The following CRYBB3 variants were observed in gnomAD, a reference collection of about 807,000 sequenced individuals.
CRYBB3 encodes the protein beta-crystallin B3.
CRYBB3 carries 35 observed loss-of-function variants against 28.3 expected under a neutral mutation model. The observed-to-expected ratio is 1.24, with a 90% confidence interval of 0.95 to 1.64. The LOEUF (loss-of-function observed/expected upper bound fraction) is 1.64, where lower values mean the gene tolerates loss of function less well. CRYBB3 is among the 40% of genes most tolerant of loss of function. CRYBB3 has a pLI of 0.00. For synonymous variants in CRYBB3, 106 were observed against 110.4 expected (o/e 0.96, Z 0.25); for missense variants, 296 against 297.4 (o/e 1.00, Z 0.04).
chr22:25,204,477 G>T (rs1334337624), intron 4 of CRYBB3, among the ~76,000 whole-genome samples: 1 of 152,156 alleles, frequency 6.6e-6, no homozygotes, highest in East Asian at 1.9e-4. Flanking sequence ...GAGTGCAGTG[G>T]CATGATCTCT....
chr22:25,202,349 T>C (rs1276134254), intron 2 of CRYBB3, among the ~76,000 whole-genome samples: 1 of 152,112 alleles, frequency 6.6e-6, no homozygotes, highest in African/African-American at 2.4e-5. Flanking sequence ...CTTGAAAAAA[T>C]TGGAACTGGG....
rs201863246 is a variant in CRYBB3, at chr22:25,203,781, C to T, written c.213C>T (p.Ser71=). 50 of 1,614,178 alleles carry T rather than the reference C, an allele frequency of 3.1e-5. No homozygotes were observed. The Middle Eastern group carries it at 1.8e-3, about 59-fold the overall frequency. The change falls in exon 4 of 6, where the codon TCC becomes TCT. Residue 71 remains serine, a synonymous_variant. Coordinates refer to ENST00000215855, the MANE Select transcript of CRYBB3 (RefSeq NM_004076.5). ...VESGPWLAFE[S]RAFRGEQFVL... Reference sequence around the variant, plus strand: ...CCCTCAGGTGGCTGGCATTTGAGTCCAGGGCCTTCCGCGGGGAGCAGTTTG... The same window carrying T: ...CCCTCAGGTGGCTGGCATTTGAGTCTAGGGCCTTCCGCGGGGAGCAGTTTG...
chr22:25,207,262 G>C lies in CRYBB3; in HGVS notation c.*50G>C, dbSNP rs776331095. On this transcript the variant is annotated 3_prime_UTR_variant, in exon 6 of 6. Transcript: ENST00000215855. ...AGACCCACCCTGGGGGGCTGCAAGG[G>C]CAAGAAGAGGAGGCTCCAGGGTTGG... 2 of 1,549,188 alleles carry C rather than the reference G, an allele frequency of 1.3e-6. No individual in the cohort carries two copies. Among genetic ancestry groups the C allele is most frequent in the African/African-American group, 2.7e-5 (2 of 73,598 alleles).
At chr22:25,206,922 T>C (rs766595584) in intron 5 of CRYBB3, 125 bp from the exon 6 acceptor site, 14 of 793,722 alleles carry the variant, frequency 1.8e-5, no homozygotes, top group Non-Finnish European at 3.0e-5. Context: ...AGAGTTTGGA[T>C]TCATCCCAAG....
At chr22:25,201,804 A>G (rs748465789) in intron 2 of CRYBB3, among the ~76,000 whole-genome samples, 24 of 152,158 alleles carry the variant, frequency 1.6e-4, no homozygotes, top group Non-Finnish European at 2.8e-4. Flanking sequence ...ACTCTGGGGA[A>G]AAGGGCACAG....
chr22:25,203,988 G>A (rs1264196655), intron 4 of CRYBB3, 93 bp downstream of exon 4: 4 of 1,535,240 alleles, frequency 2.6e-6, no homozygotes, highest in East Asian at 2.3e-5. Flanking sequence ...TGGGCTGAGG[G>A]TTTGGCCCAT....
chr22:25,200,405 A>G (rs767285461), intron 1 of CRYBB3, among the ~76,000 whole-genome samples: 1 of 151,806 alleles, frequency 6.6e-6, no homozygotes, highest in Non-Finnish European at 1.5e-5. Flanking sequence ...TGCCTTGTTT[A>G]CCACTGTGGA....
Position 25,205,302 on chromosome 22 carries a change from C to A in CRYBB3, c.410C>A (p.Pro137His). ...RKMEIVDDDV[P>H]SLWAHGFQDR... Reference sequence around the variant, plus strand: ...ATGGAGATAGTGGATGATGACGTGCCCAGCCTGTGGGCTCATGGCTTCCAG... The same window carrying A: ...ATGGAGATAGTGGATGATGACGTGCACAGCCTGTGGGCTCATGGCTTCCAG... Residue 137 changes from proline (P) to histidine (H), a missense_variant, in exon 5 of 6, where the codon CCC (proline) becomes CAC (histidine). Transcript: ENST00000215855. The A allele has an allele frequency of 6.2e-7, 1 of 1,614,148 alleles. No individual in the cohort carries two copies. Among genetic ancestry groups the A allele is most frequent in the Non-Finnish European group, 8.5e-7 (1 of 1,180,030 alleles).
rs913286212 is a variant in CRYBB3 at position 25,205,499 on chromosome 22, G to A, written c.470+137G>A. On this transcript the variant is annotated intron_variant, in intron 5 of 5. Coordinates refer to ENST00000215855, the MANE Select transcript of CRYBB3 (RefSeq NM_004076.5). ...TTTTGAGACGGAGTCTTGCTCTGTC[G>A]CCCAGGCTGGAGTGCAGTGGCGCGA... 2.4e-5 allele frequency: 26 copies of A among 1,104,454 alleles called. No homozygotes were observed. In the East Asian group the frequency reaches 5.0e-4, roughly 21 times the overall value. 68.4% of individuals were successfully genotyped at this position (1,104,454 alleles called of 1,614,324 possible).
Position 25,203,979 on chromosome 22 carries a change from G to A in CRYBB3, c.327+84G>A, listed in dbSNP as rs1601407784. ...GGTCAGGCAGCTCATTGCACAAGCT[G>A]GGCTGAGGGTTTGGCCCATATGGAC... On this transcript the variant is annotated intron_variant, in intron 4 of 5. Coordinates refer to ENST00000215855, the MANE Select transcript of CRYBB3 (RefSeq NM_004076.5). 3 of 1,576,716 alleles carry A rather than the reference G, an allele frequency of 1.9e-6. No homozygotes were observed. The East Asian group carries it at 6.7e-5, about 35-fold the overall frequency.
rs951021183 is a variant in CRYBB3, at chr22:25,205,452, TTTTATTTA to T, written c.470+106_470+113del. The T allele has an allele frequency of 4.4e-6, 6 of 1,379,036 alleles. No individual in the cohort carries two copies. The East Asian group carries it at 1.1e-4, about 25-fold the overall frequency. The allele number at this position is 1,379,036 out of a possible 1,614,324, so 85.4% of individuals were successfully genotyped here. On this transcript the variant is annotated intron_variant, in intron 5 of 5. Transcript: ENST00000215855. The stretch of plus-strand genomic sequence containing the variant: ...AATCAGTGCCCATAGTTTCTTATTA[TTTTATTTA>T]TTTATTTATTTATTTTTGAGACGGA...
At chr22:25,200,530 C>G (rs1246303359) in intron 1 of CRYBB3, among the ~76,000 whole-genome samples, 1 of 152,050 alleles carries the variant, frequency 6.6e-6, no homozygotes, top group East Asian at 1.9e-4. Flanking sequence ...GAAACTTTTG[C>G]GAGTGTGTGC....
chr22:25,206,017 A>G (rs1935027878), intron 5 of CRYBB3, among the ~76,000 whole-genome samples: 1 of 152,148 alleles, frequency 6.6e-6, no homozygotes, highest in African/African-American at 2.4e-5. Context: ...TGTACAGAGG[A>G]GAGCAGGCTT....
intron 1 of CRYBB3, among the ~76,000 whole-genome samples, chr22:25,200,633 C>A (rs534975028): frequency 6.6e-6 from 1 of 152,124 alleles, no homozygotes; most frequent in African/African-American, 2.4e-5. Flanking sequence ...GCGGCAGGGG[C>A]CTGTATTGCG....
At chr22:25,205,403 A>G (rs780780976) in intron 5 of CRYBB3, 41 bp downstream of exon 5, 3 of 1,612,056 alleles carry the variant, frequency 1.9e-6, no homozygotes, top group South Asian at 1.1e-5. Flanking sequence ...TCTTCTGGTC[A>G]GCCATGCCTC....
chr22:25,206,452 A>G (rs549447194), intron 5 of CRYBB3, among the ~76,000 whole-genome samples: 2 of 152,346 alleles, frequency 1.3e-5, no homozygotes, highest in South Asian at 4.1e-4. Flanking sequence ...CTGAGGCAGG[A>G]GAATCACTTG....
intron 2 of CRYBB3, among the ~76,000 whole-genome samples, chr22:25,201,955 G>T (rs1245946736): frequency 1.3e-5 from 2 of 152,238 alleles, no homozygotes; most frequent in Non-Finnish European, 2.9e-5. Context: ...AAATCTGAGA[G>T]AAGGTTTGAA....
chr22:25,205,098 C>T, intron 4 of CRYBB3, 122 bp from the exon 5 acceptor site: 2 of 1,321,836 alleles, frequency 1.5e-6, no homozygotes, highest in Middle Eastern at 3.7e-4. Flanking sequence ...TTCCCTCCTG[C>T]AGCAGGTTTG....
In CRYBB3 at chr22:25,202,772, C is replaced by T. The variant is rs886057292; in HGVS notation, c.174C>T (p.Ser58=). ...ACAGCCTGCTGGAGAAGGTGGGCTCCATCCAAGTGGAGTCCGGGCCGTGAG... is the reference window on the plus strand; with the variant it reads ...ACAGCCTGCTGGAGAAGGTGGGCTCTATCCAAGTGGAGTCCGGGCCGTGAG... ...LTDSLLEKVG[S]IQVESGPWLA... Residue 58 remains serine, a synonymous_variant, in exon 3 of 6, where the codon TCC becomes TCT. Coordinates refer to ENST00000215855, the MANE Select transcript of CRYBB3 (RefSeq NM_004076.5). The T allele has an allele frequency of 6.2e-7, 1 of 1,614,056 alleles. No individual in the cohort carries two copies. The highest frequency in any genetic ancestry group is 8.5e-7 in the Non-Finnish European group (1 of 1,180,014).
Sources: allele counts gnomAD v4.1 joint callset (sites outside exome capture counted in the v4.1 genomes callset), GRCh38; gene constraint gnomAD v4.1.1; transcripts MANE v1.5; gene names NCBI Gene and HGNC (gene_info 2026-07-23, HGNC 2026-07-21).